The following NLGN4Y variants were observed in gnomAD, a reference collection of about 807,000 sequenced individuals.
NLGN4Y encodes neuroligin-4, Y-linked.
In NLGN4Y, 4 loss-of-function variants were observed where a neutral mutation model predicts 8.4. The observed-to-expected ratio is 0.48, with a 90% CI of 0.23 to 1.09. The LOEUF (loss-of-function observed/expected upper bound fraction) is 1.09. Among genes scored for constraint, NLGN4Y ranks in the 50% least tolerant of loss-of-function variants. The pLI, the probability that NLGN4Y is intolerant of heterozygous loss-of-function variation, is 0.19. For missense variants in NLGN4Y, 90 were observed against 192.3 expected, an observed-to-expected ratio of 0.47 and a Z score of 3.15; for synonymous variants, 35 against 75.6, an observed-to-expected ratio of 0.46 and a Z score of 2.78.
chrY:14,613,282 C>T (rs370781490), intron 1 of NLGN4Y, among the ~76,000 whole-genome samples: 257 of 32,262 alleles, frequency 8.0e-3, no homozygotes, highest in South Asian at 0.034. Flanking sequence ...GACCTCAGCC[C>T]CCTTTTTAGG....
intron 1 of NLGN4Y, among the ~76,000 whole-genome samples, chrY:14,548,207 C>T (rs376153868): frequency 6.1e-5 from 2 of 32,554 alleles, no homozygotes; most frequent in Non-Finnish European, 7.5e-5. Flanking sequence ...CAGTGAGGCA[C>T]GGTGGCCAAA....
At chrY:14,606,680 C>G (rs2080447601) in intron 1 of NLGN4Y, among the ~76,000 whole-genome samples, 1 of 32,568 alleles carries the variant, frequency 3.1e-5, no homozygotes, top group African/African-American at 1.2e-4. Flanking sequence ...ACAATAACTT[C>G]CCTGCAGAGG....
chrY:14,681,196 A>G, intron 2 of NLGN4Y, among the ~76,000 whole-genome samples: 1 of 33,739 alleles, frequency 3.0e-5, no homozygotes, highest in Non-Finnish European at 7.4e-5. Context: ...GTAATTTACA[A>G]AGGAAGAAGG....
At chrY:14,653,827 G>C in intron 2 of NLGN4Y, among the ~76,000 whole-genome samples, 1 of 34,035 alleles carries the variant, frequency 2.9e-5, no homozygotes, top group Non-Finnish European at 7.3e-5. Flanking sequence ...TGGGATTACA[G>C]GCATGAGCCA....
chrY:14,639,892 A>G, intron 2 of NLGN4Y: 1 of 112,820 alleles, frequency 8.9e-6, no homozygotes. Flanking sequence ...AGTGAACCAG[A>G]ATAGACCCCT....
intron 2 of NLGN4Y, among the ~76,000 whole-genome samples, chrY:14,646,163 A>G: frequency 3.0e-5 from 1 of 33,610 alleles, no homozygotes; most frequent in Non-Finnish European, 7.4e-5. Flanking sequence ...GCCTGTTTCT[A>G]CATTGCAATC....
intron 2 of NLGN4Y, among the ~76,000 whole-genome samples, chrY:14,672,394 G>A (rs780289826): frequency 2.0e-4 from 6 of 30,118 alleles, no homozygotes; most frequent in African/African-American, 5.2e-4. Context: ...GCGTGGTGGC[G>A]GGCACCTGTA....
chrY:14,733,083 A>G, intron 4 of NLGN4Y, among the ~76,000 whole-genome samples: 1 of 33,139 alleles, frequency 3.0e-5, no homozygotes, highest in Non-Finnish European at 7.4e-5. Context: ...AAAATAACCA[A>G]TTGGCATCAC....
At chrY:14,572,606 T>A (rs2080276475) in intron 1 of NLGN4Y, among the ~76,000 whole-genome samples, 2 of 33,037 alleles carry the variant, frequency 6.1e-5, no homozygotes, top group Non-Finnish European at 7.4e-5. Flanking sequence ...TCCTGCCTGA[T>A]TGCCCTGGCC....
chrY:14,594,187 A>G (rs2080385976), intron 1 of NLGN4Y, among the ~76,000 whole-genome samples: 1 of 32,835 alleles, frequency 3.0e-5, no homozygotes, highest in African/African-American at 1.2e-4. Context: ...GGGCTCAGTG[A>G]GGGTGATGAC....
chrY:14,713,929 TTAATAA>T (rs2080907220), intron 2 of NLGN4Y, among the ~76,000 whole-genome samples: 1 of 33,894 alleles, frequency 3.0e-5, no homozygotes, highest in African/African-American at 1.2e-4. Flanking sequence ...TATTTAAATC[TTAATAA>T]TAGAATGGCT....
chrY:14,715,720 C>CATGT (rs2080913214), intron 2 of NLGN4Y, among the ~76,000 whole-genome samples: 2 of 32,808 alleles, frequency 6.1e-5, no homozygotes, highest in African/African-American at 2.4e-4. Flanking sequence ...CACAATGGCA[C>CATGT]ATGTATACCT....
intron 1 of NLGN4Y, among the ~76,000 whole-genome samples, chrY:14,545,924 T>A: frequency 3.1e-5 from 1 of 32,423 alleles, no homozygotes; most frequent in Non-Finnish European, 7.5e-5. Context: ...AACATTTAGG[T>A]CTTTAATCCA....
At chrY:14,588,604 A>T in intron 1 of NLGN4Y, among the ~76,000 whole-genome samples, 2 of 33,800 alleles carry the variant, frequency 5.9e-5, no homozygotes, top group Non-Finnish European at 7.3e-5. Context: ...GGGGATCTTT[A>T]TGTAAGGTAT....
chrY:14,614,493 A>G (rs2080480810), intron 1 of NLGN4Y, among the ~76,000 whole-genome samples: 1 of 32,792 alleles, frequency 3.0e-5, no homozygotes, highest in African/African-American at 1.2e-4. Context: ...TTGGTATTTT[A>G]GTCGTGAAGT....
At chrY:14,588,650 C>G in intron 1 of NLGN4Y, among the ~76,000 whole-genome samples, 1 of 33,642 alleles carries the variant, frequency 3.0e-5, no homozygotes, top group Non-Finnish European at 7.4e-5. Flanking sequence ...TACTCTTGTA[C>G]TTTCTCAAAC....
At chrY:14,692,343 C>G in intron 2 of NLGN4Y, among the ~76,000 whole-genome samples, 1 of 32,802 alleles carries the variant, frequency 3.0e-5, no homozygotes, top group Non-Finnish European at 7.5e-5. Context: ...ATGATTCAAG[C>G]CTCTTATAGA....
chrY:14,795,267 C>G (rs1209677324), intron 4 of NLGN4Y, among the ~76,000 whole-genome samples: 1 of 33,423 alleles, frequency 3.0e-5, no homozygotes, highest in Non-Finnish European at 7.4e-5. Context: ...ATGTTTATCT[C>G]CTTAATTTGA....
chrY:14,739,780 AT>A (rs2081001530), intron 4 of NLGN4Y, among the ~76,000 whole-genome samples: 2 of 32,083 alleles, frequency 6.2e-5, no homozygotes, highest in South Asian at 1.4e-3. Context: ...TATTATTACT[AT>A]TATTTATATT....
Sources: gnomAD v4.1 joint callset for allele counts (sites outside exome capture counted in the v4.1 genomes callset) on GRCh38, gnomAD v4.1.1 for gene constraint, MANE v1.5 for transcripts, NCBI Gene and HGNC (gene_info 2026-07-23, HGNC 2026-07-21) for gene names.